DNAJC16: variants seen among roughly 807,000 people sequenced by gnomAD.
The protein encoded by DNAJC16 is dnaJ homolog subfamily C member 16.
DNAJC16 carries 76 observed loss-of-function variants against 92.7 expected under a neutral mutation model. The ratio of observed to expected loss-of-function variants is 0.82; its 90% CI spans 0.68 to 0.99. The LOEUF (loss-of-function observed/expected upper bound fraction) is 0.99. DNAJC16 is among the 50% of genes least tolerant of loss of function. The pLI is 0.00. For synonymous variants in DNAJC16, 328 were observed against 358.7 expected (o/e 0.91, Z 0.97); for missense variants, 869 against 942.4 (o/e 0.92, Z 1.02).
intron 7 of DNAJC16, among the ~76,000 whole-genome samples, chr1:15,551,781 T>A (rs560293777): frequency 2.9e-4 from 44 of 152,064 alleles, no homozygotes; most frequent in South Asian, 1.2e-3. Context: ...CTAATTTTTT[T>A]AAAAAATTTT....
intron 7 of DNAJC16, among the ~76,000 whole-genome samples, chr1:15,558,399 C>T (rs999000426): frequency 1.3e-5 from 2 of 152,082 alleles, no homozygotes; most frequent in African/African-American, 4.8e-5. Flanking sequence ...GTTGCCCAGG[C>T]TGGTCTCGAT....
chr1:15,527,921 G>T (rs1710558093), intron 1 of DNAJC16, among the ~76,000 whole-genome samples: 1 of 152,092 alleles, frequency 6.6e-6, no homozygotes, highest in Non-Finnish European at 1.5e-5. Flanking sequence ...AATCATAATT[G>T]TGGAGTATAA....
chr1:15,552,213 C>T (rs908641834), intron 7 of DNAJC16, among the ~76,000 whole-genome samples: 3 of 150,966 alleles, frequency 2.0e-5, no homozygotes, highest in Non-Finnish European at 4.4e-5. Context: ...GTTGGCCAGG[C>T]GTGGTGACTC....
chr1:15,529,176 C>G lies in DNAJC16; in HGVS notation c.71C>G (p.Ser24Cys). The change falls in exon 2 of 15, where the codon TCT becomes TGT. Residue 24 changes from serine (S) to cysteine (C), a missense_variant. Ser to Cys is a moderately radical substitution (Grantham distance 112). Transcript: ENST00000375847. ...CTGGTTCTGATCCTGCAAATTCTGT[C>G]TGCGTTGGATTTTGACCCATACAGA... ...IVLVLILQIL[S>C]ALDFDPYRVL... is the part of the protein sequence containing the mutation. 6.2e-7 allele frequency: 1 copy of G among 1,614,116 alleles called. No individual in the cohort carries two copies. Among genetic ancestry groups the G allele is most frequent in the Non-Finnish European group, 8.5e-7 (1 of 1,180,004 alleles).
At chr1:15,560,487 A>G (rs201199449) in intron 8 of DNAJC16, among the ~76,000 whole-genome samples, 3 of 152,364 alleles carry the variant, frequency 2.0e-5, no homozygotes, top group East Asian at 3.9e-4. Context: ...TAAAAAGTCT[A>G]GAAATTCAGG....
chr1:15,571,430 G>GTTCA lies in DNAJC16; in HGVS notation c.*3254_*3257dup, dbSNP rs1463245097. 6.6e-6 allele frequency: 1 copy of GTTCA among 152,602 alleles called. No individual in the cohort carries two copies. The highest frequency in any genetic ancestry group is 2.4e-5 in the African/African-American group (1 of 41,430). The allele number at this position is 152,602 out of a possible 1,614,324, so 9.5% of individuals were successfully genotyped here. A position where few individuals can be genotyped will look rare whatever the true frequency, so the allele number is the denominator to read the frequency against. ...CAAACATCTTTACAGAGGAACTGTA[G>GTTCA]TTCACATCCACCTGTCTGACATTGT... On this transcript the variant is annotated 3_prime_UTR_variant, in exon 15 of 15. Coordinates refer to ENST00000375847, the MANE Select transcript of DNAJC16 (RefSeq NM_015291.4).
In DNAJC16 at chr1:15,548,356, C is replaced by T. The variant is rs1213737944; in HGVS notation, c.951C>T (p.Tyr317=). 6.2e-7 allele frequency: 1 copy of T among 1,614,004 alleles called. No homozygotes were observed. Among genetic ancestry groups the T allele is most frequent in the Admixed American group, 1.7e-5 (1 of 60,002 alleles). Residue 317 remains tyrosine, a synonymous_variant, in exon 7 of 15, where the codon TAC becomes TAT. Transcript: ENST00000375847. ...GGACGGAAGAGATGACAAGGCGGTACAACATCAATATCTACGCCCCTACCC... is the reference window on the plus strand; with the variant it reads ...GGACGGAAGAGATGACAAGGCGGTATAACATCAATATCTACGCCCCTACCC... ...LRGTEEMTRR[Y]NINIYAPTLL... is the part of the protein sequence containing the mutation.
rs1638807235 is a variant in DNAJC16 at position 15,566,338 on chromosome 1, G to A, written c.1778+158G>A. The A allele has an allele frequency of 3.3e-5, 21 of 641,740 alleles. No homozygotes were observed. In the South Asian group the frequency reaches 4.0e-4, roughly 12 times the overall value. 39.8% of individuals were successfully genotyped at this position (641,740 alleles called of 1,614,324 possible). ...ACAGGGAAAAGTCACTGTGATTTGT[G>A]TTTACTAAGACCCTGTAGGTGTTTA... On this transcript the variant is annotated intron_variant, in intron 13 of 14. Coordinates refer to ENST00000375847, the MANE Select transcript of DNAJC16 (RefSeq NM_015291.4).
rs1033832771 is a variant in DNAJC16 at position 15,526,878 on chromosome 1, C to T, written c.-99C>T. ...TCCCCTCCCCAGGCCCAGGCGAGCG[C>T]TGGTGTGGACGGGAAGCTCCCGGCC... On this transcript the variant is annotated 5_prime_UTR_variant, in exon 1 of 15. Transcript: ENST00000375847. The T allele has an allele frequency of 2.0e-5, 3 of 152,494 alleles. No individual in the cohort carries two copies. The highest frequency in any genetic ancestry group is 7.2e-5 in the African/African-American group (3 of 41,488). 9.4% of individuals were successfully genotyped at this position (152,494 alleles called of 1,614,324 possible). A position where few individuals can be genotyped will look rare whatever the true frequency, so the allele number is the denominator to read the frequency against.
chr1:15,567,909 A>G lies in DNAJC16; in HGVS notation c.2081A>G (p.Tyr694Cys). 6.2e-7 allele frequency: 1 copy of G among 1,614,220 alleles called. No individual in the cohort carries two copies. The highest frequency in any genetic ancestry group is 1.1e-5 in the South Asian group (1 of 91,080). Reference sequence around the variant, plus strand: ...GATAAGCATTTCATGGAGCGTGACTACACTGGTTATGTACTGGCTCTGAAT... The same window carrying G: ...GATAAGCATTTCATGGAGCGTGACTGCACTGGTTATGTACTGGCTCTGAAT... Reference protein sequence around the residue: ...QYDKHFMERDYTGYVLALNGH... With the variant: ...QYDKHFMERDCTGYVLALNGH... The change falls in exon 15 of 15, where the codon TAC becomes TGC. Residue 694 changes from tyrosine to cysteine, a missense_variant. Coordinates refer to ENST00000375847, the MANE Select transcript of DNAJC16 (RefSeq NM_015291.4).
rs762463321 is a variant in DNAJC16, at chr1:15,562,334, C to G, written c.1338+9C>G. 5 of 1,609,960 alleles carry G rather than the reference C, an allele frequency of 3.1e-6. No homozygotes were observed. In the Admixed American group the frequency reaches 6.7e-5, roughly 22 times the overall value. On this transcript the variant is annotated intron_variant, in intron 9 of 14. Coordinates refer to ENST00000375847, the MANE Select transcript of DNAJC16 (RefSeq NM_015291.4). The stretch of plus-strand genomic sequence containing the variant: ...TTCAAGGGAAATCAGCGGTAAGCCA[C>G]AGAGTCTCTCCTCATCCCAGGCTCT...
At chr1:15,561,617 G>A (rs532144086) in intron 8 of DNAJC16, among the ~76,000 whole-genome samples, 1 of 152,040 alleles carries the variant, frequency 6.6e-6, no homozygotes, top group Non-Finnish European at 1.5e-5. Context: ...CTCAGGAGGC[G>A]GAGTTACAGT....
At chr1:15,544,628 G>A in intron 5 of DNAJC16, 45 bp downstream of exon 5, 1 of 1,595,602 alleles carries the variant, frequency 6.3e-7, no homozygotes, top group Non-Finnish European at 8.6e-7. Context: ...TAGTTTAAGA[G>A]GTACCTAGGA....
intron 7 of DNAJC16, among the ~76,000 whole-genome samples, chr1:15,550,166 G>A (rs1638414332): frequency 6.6e-6 from 1 of 152,182 alleles, no homozygotes; most frequent in Non-Finnish European, 1.5e-5. Context: ...AGAAGGTGCT[G>A]CAAGTCAGGA....
intron 3 of DNAJC16, among the ~76,000 whole-genome samples, chr1:15,534,525 C>T (rs1230313785): frequency 3.3e-5 from 5 of 151,934 alleles, no homozygotes; most frequent in African/African-American, 1.2e-4. Flanking sequence ...AGTTCGAGAC[C>T]AGCCTGACCA....
intron 1 of DNAJC16, among the ~76,000 whole-genome samples, chr1:15,528,170 C>T (rs1360025618): frequency 6.6e-6 from 1 of 152,234 alleles, no homozygotes; most frequent in African/African-American, 2.4e-5. Flanking sequence ...CGATGGCTCA[C>T]GCCTGTAATC....
At chr1:15,567,581 G>A (rs1025146864) in intron 14 of DNAJC16, among the ~76,000 whole-genome samples, 197 bp from the exon 15 acceptor site, 2 of 152,136 alleles carry the variant, frequency 1.3e-5, no homozygotes, top group East Asian at 1.9e-4. Context: ...GCAAGCGATG[G>A]GGGAATGGGT....
rs1557587100 is a variant in DNAJC16, at chr1:15,562,269, C to CA, written c.1283dup (p.Glu429GlyfsTer11). The CA allele has an allele frequency of 6.2e-7, 1 of 1,614,092 alleles. No homozygotes were observed. The highest frequency in any genetic ancestry group is 1.1e-5 in the South Asian group (1 of 91,084). Reference sequence around the variant, plus strand: ...TGTGCATGTCTACAGCAATCGGCAGCAGGAGTTTGCCGACACCTTACTACC... The same window carrying CA: ...TGTGCATGTCTACAGCAATCGGCAGCAAGGAGTTTGCCGACACCTTACTACC... On this transcript the variant is annotated frameshift_variant, in exon 9 of 15. Transcript: ENST00000375847. LOFTEE classifies it high-confidence loss of function.
intron 2 of DNAJC16, among the ~76,000 whole-genome samples, chr1:15,533,300 C>A (rs1309046471): frequency 6.6e-6 from 1 of 152,096 alleles, no homozygotes; most frequent in Non-Finnish European, 1.5e-5. Flanking sequence ...GAATTTGAGA[C>A]CAGCCTGGAC....
Sources: gnomAD v4.1 joint callset for allele counts (sites outside exome capture counted in the v4.1 genomes callset) on GRCh38, gnomAD v4.1.1 for gene constraint, MANE v1.5 for transcripts, NCBI Gene and HGNC (gene_info 2026-07-23, HGNC 2026-07-21) for gene names.